Variants in SLC22A24 observed in about 807,000 individuals in gnomAD.
SLC22A24 encodes the protein solute carrier family 22 member 24.
Under a neutral mutation model 49.8 loss-of-function variants are expected in SLC22A24, and 53 were observed. The ratio of observed to expected loss-of-function variants is 1.06; its 90% confidence interval spans 0.85 to 1.34. SLC22A24 has a LOEUF of 1.34. SLC22A24 is among the 40% of genes most tolerant of loss of function. SLC22A24 has a pLI of 0.00. For synonymous variants in SLC22A24, 302 were observed against 256.4 expected (o/e 1.18, Z -1.70); for missense variants, 786 against 675.9 (o/e 1.16, Z -1.81).
chr11:63,109,994 G>A (rs2087151021), intron 4 of SLC22A24, among the ~76,000 whole-genome samples: 1 of 152,172 alleles, frequency 6.6e-6, no homozygotes, highest in African/African-American at 2.4e-5. Flanking sequence ...TAACGTTTAA[G>A]TCTTTAATCC....
At chr11:63,120,588 A>G (rs2087244756) in intron 2 of SLC22A24, among the ~76,000 whole-genome samples, 1 of 152,140 alleles carries the variant, frequency 6.6e-6, no homozygotes, top group African/African-American at 2.4e-5. Flanking sequence ...GAAGATAAAC[A>G]AATAGAAAAG....
At chr11:63,088,895 T>A (rs1318288374) in intron 6 of SLC22A24, among the ~76,000 whole-genome samples, 2 of 151,784 alleles carry the variant, frequency 1.3e-5, no homozygotes, top group South Asian at 2.1e-4. Context: ...TGAAAAGGAA[T>A]GAACAAAGCC....
intron 4 of SLC22A24, among the ~76,000 whole-genome samples, chr11:63,112,122 A>G (rs2087169972): frequency 6.6e-6 from 1 of 152,158 alleles, no homozygotes; most frequent in Non-Finnish European, 1.5e-5. Context: ...GTAGTCATTC[A>G]GGAGCAGGTT....
chr11:63,139,912 TG>T (rs1043544983), intron 1 of SLC22A24, among the ~76,000 whole-genome samples: 12 of 151,268 alleles, frequency 7.9e-5, no homozygotes, highest in Non-Finnish European at 1.5e-4. Context: ...TGTATTTATA[TG>T]TTTTTTTTTG....
chr11:63,094,813 C>T (rs1426772300), intron 6 of SLC22A24, among the ~76,000 whole-genome samples: 2 of 152,228 alleles, frequency 1.3e-5, no homozygotes, highest in Non-Finnish European at 2.9e-5. Context: ...CCTTCACCCA[C>T]TTTTTAATGG....
chr11:63,137,062 G>A (rs190154985), intron 1 of SLC22A24, among the ~76,000 whole-genome samples: 1 of 152,174 alleles, frequency 6.6e-6, no homozygotes, highest in African/African-American at 2.4e-5. Context: ...GATGTCTGTA[G>A]CCCCATTGCA....
intron 9 of SLC22A24, among the ~76,000 whole-genome samples, chr11:63,080,494 G>C (rs1217660324): frequency 6.6e-6 from 1 of 152,148 alleles, no homozygotes; most frequent in Non-Finnish European, 1.5e-5. Context: ...CAATAATTAG[G>C]TATGAGGCAA....
Position 63,095,976 on chromosome 11 carries a change from C to T in SLC22A24, c.1070+15G>A, listed in dbSNP as rs2087051657. ...TCCAATATTTTAAAGTGAATCATCACCAAATGGAACTTACCTCACAAAGCA... is the reference window on the plus strand; with the variant it reads ...TCCAATATTTTAAAGTGAATCATCATCAAATGGAACTTACCTCACAAAGCA... On this transcript the variant is annotated intron_variant, in intron 6 of 9. Coordinates refer to ENST00000612278, the MANE Select transcript of SLC22A24 (RefSeq NM_001136506.2). 6.6e-7 allele frequency: 1 copy of T among 1,520,268 alleles called. No homozygotes were observed. The highest frequency in any genetic ancestry group is 8.9e-7 in the Non-Finnish European group (1 of 1,120,116). 94.2% of individuals were successfully genotyped at this position (1,520,268 alleles called of 1,614,324 possible).
chr11:63,125,519 G>A (rs984053059), intron 2 of SLC22A24, among the ~76,000 whole-genome samples: 5 of 152,264 alleles, frequency 3.3e-5, no homozygotes, highest in Admixed American at 2.6e-4. Context: ...AGTATTCCAT[G>A]GTGTATATGT....
Position 63,134,760 on chromosome 11 carries a change from C to G in SLC22A24, c.411G>C (p.Leu137=), listed in dbSNP as rs1234710212. Residue 137 remains leucine, a synonymous_variant, in exon 2 of 10, where the codon CTG becomes CTC. Transcript: ENST00000612278. ...FLSTIVTEWD[L]VCESQSLKSM... Reference sequence around the variant, plus strand: ...ATTTTAGTGACTGAGATTCACATACCAGGTCCCACTGGAAGAGAAAGAAAG... The same window carrying G: ...ATTTTAGTGACTGAGATTCACATACGAGGTCCCACTGGAAGAGAAAGAAAG... 2 of 1,572,758 alleles carry G rather than the reference C, an allele frequency of 1.3e-6. No homozygotes were observed. Among genetic ancestry groups the G allele is most frequent in the Non-Finnish European group, 8.6e-7 (1 of 1,156,998 alleles).
At chr11:63,119,451 G>GTCAAGCACCATGTT in intron 2 of SLC22A24, 116 bp from the exon 3 acceptor site, 1 of 980,582 alleles carries the variant, frequency 1.0e-6, no homozygotes, top group Non-Finnish European at 1.5e-6. Flanking sequence ...GGAACATGGT[G>GTCAAGCACCATGTT]CTTGACACCG....
At chr11:63,096,405 T>C (rs2087055410) in intron 5 of SLC22A24, among the ~76,000 whole-genome samples, 1 of 152,100 alleles carries the variant, frequency 6.6e-6, no homozygotes, top group Admixed American at 6.6e-5. Context: ...AATGAAACGG[T>C]ATTTGTTTAA....
At chr11:63,121,615 AT>A (rs532906900) in intron 2 of SLC22A24, among the ~76,000 whole-genome samples, 82 of 152,090 alleles carry the variant, frequency 5.4e-4, no homozygotes, top group African/African-American at 1.9e-3. Context: ...GCTTTAAAAA[AT>A]TTTTTATTTT....
chr11:63,109,725 T>C (rs11501478), intron 4 of SLC22A24, among the ~76,000 whole-genome samples: 1 of 151,896 alleles, frequency 6.6e-6, no homozygotes, highest in Admixed American at 6.6e-5. Flanking sequence ...TTGCTTGAGT[T>C]CATTGTAGAT....
At chr11:63,111,018 A>G (rs373713018) in intron 4 of SLC22A24, among the ~76,000 whole-genome samples, 6 of 152,146 alleles carry the variant, frequency 3.9e-5, no homozygotes, top group African/African-American at 1.2e-4. Context: ...TTTGAAATAC[A>G]TCCCATCAAT....
At chr11:63,115,725 A>G (rs1188427491) in intron 4 of SLC22A24, among the ~76,000 whole-genome samples, 1 of 151,318 alleles carries the variant, frequency 6.6e-6, no homozygotes, top group Non-Finnish European at 1.5e-5. Context: ...TGTTTTTTTT[A>G]TATGGGCAGA....
rs908425369 is a variant in SLC22A24 at position 63,089,775 on chromosome 11, G to A, written c.1070+6216C>T. 2.6e-5 allele frequency among the ~76,000 whole-genome samples: 4 copies of A among 151,924 alleles called. No homozygotes were observed. The East Asian group carries it at 7.7e-4, about 29-fold the overall frequency. On this transcript the variant is annotated intron_variant, in intron 6 of 9. Transcript: ENST00000612278. ...CTGATAAAACAGACTTTAAGCCAAC[G>A]AAGATTAAAAAAGACAAAGAACAAG...
chr11:63,080,147 T>C, intron 9 of SLC22A24, 147 bp from the exon 10 acceptor site: 1 of 575,078 alleles, frequency 1.7e-6, no homozygotes, highest in Non-Finnish European at 3.0e-6. Context: ...ATATTGATAC[T>C]ATTGTGTTGG....
chr11:63,140,648 C>T (rs143881374), intron 1 of SLC22A24, among the ~76,000 whole-genome samples: 57 of 152,230 alleles, frequency 3.7e-4, no homozygotes, highest in African/African-American at 1.3e-3. Context: ...CACCCCAGTA[C>T]ATAATTAAAA....
Sources: allele counts gnomAD v4.1 joint callset (sites outside exome capture counted in the v4.1 genomes callset), GRCh38; gene constraint gnomAD v4.1.1; transcripts MANE v1.5; gene names NCBI Gene and HGNC (gene_info 2026-07-23, HGNC 2026-07-21).